The following MYO10 variants were observed in gnomAD, a reference collection of about 807,000 sequenced individuals.
The protein encoded by MYO10 is myosin X, also known as unconventional myosin-X.
MYO10 carries 133 observed loss-of-function variants against 257.3 expected under a neutral mutation model. The ratio of observed to expected loss-of-function variants is 0.52; its 90% CI spans 0.45 to 0.60. The LOEUF (loss-of-function observed/expected upper bound fraction) is 0.60, where lower values mean the gene tolerates loss of function less well. MYO10 is among the 20% of genes least tolerant of loss of function. The probability of loss-of-function intolerance (pLI) is 0.00; values close to 1 mark genes in which losing one functional copy is unlikely to be tolerated. For missense variants in MYO10, 2,399 were observed against 2,635.7 expected (o/e 0.91, Z 1.97); for synonymous variants, 1,104 against 1,028.6 (o/e 1.07, Z -1.40).
At position 16,681,880 on chromosome 5, in the gene MYO10, T is replaced by C; in HGVS notation, c.4180A>G (p.Ile1394Val). The change falls in exon 31 of 41, where the codon ATC becomes GTC. Residue 1394 changes from isoleucine (I) to valine (V), a missense_variant. By Grantham distance (29) the Ile-to-Val change is conservative. This residue lies in a region of MYO10 where 1,820 missense variants were observed against 1,939.4 expected (regional missense o/e 0.94). Coordinates refer to ENST00000513610, the MANE Select transcript of MYO10 (RefSeq NM_012334.3). ...CAGGGCAGGCAGTCACCTCTCACGA[T>C]GAATTCCTGGCCCTCCACTCTGGTG... ...GDTRVEGQEF[I>V]VRGWLHKEVK... is the part of the protein sequence containing the mutation. 3 of 1,613,876 alleles carry C rather than the reference T, an allele frequency of 1.9e-6. No individual in the cohort carries two copies. The highest frequency in any genetic ancestry group is 3.3e-4 in the Middle Eastern group (2 of 6,062).
chr5:16,833,924 C>A (rs1048164016), intron 2 of MYO10, among the ~76,000 whole-genome samples: 1 of 152,190 alleles, frequency 6.6e-6, no homozygotes, highest in Non-Finnish European at 1.5e-5. Context: ...GTGATGTAAT[C>A]TGGCCATACC....
intron 2 of MYO10, among the ~76,000 whole-genome samples, chr5:16,830,679 G>GCACACACACACACACACACACACACTCA (rs1554000807): frequency 6.7e-6 from 1 of 148,920 alleles, no homozygotes; most frequent in Non-Finnish European, 1.5e-5. Flanking sequence ...TTTTTAATAG[G>GCACACACACACACACACACACACACTCA]CACACACACA....
At chr5:16,898,255 T>TA (rs5866216) in intron 1 of MYO10, among the ~76,000 whole-genome samples, 83,929 of 151,396 alleles carry the variant, frequency 0.55, 24,298 homozygotes, top group African/African-American at 0.73. Context: ...ATAATCACAT[T>TA]AAAAAAAACT....
chr5:16,867,162 T>C (rs1744275721), intron 2 of MYO10, among the ~76,000 whole-genome samples: 2 of 152,214 alleles, frequency 1.3e-5, no homozygotes, highest in African/African-American at 2.4e-5. Flanking sequence ...AGATAAGATT[T>C]TTCCCTTGGC....
intron 2 of MYO10, among the ~76,000 whole-genome samples, chr5:16,842,610 G>A (rs1209261205): frequency 6.6e-6 from 1 of 152,116 alleles, no homozygotes; most frequent in Non-Finnish European, 1.5e-5. Flanking sequence ...GCTGCTGTAA[G>A]CATCAACACA....
chr5:16,765,008 T>C lies in MYO10; in HGVS notation c.1180-612A>G, dbSNP rs559138507. On this transcript the variant is annotated intron_variant, in intron 11 of 40. Transcript: ENST00000513610. ...CTGGCACCAGGTTTAAAACAATAAT[T>C]AAGATGTGAGCTCTTTTTAAAATTT... 6.6e-5 allele frequency among the ~76,000 whole-genome samples: 10 copies of C among 152,304 alleles called. No homozygotes were observed. In the South Asian group the frequency reaches 1.9e-3, roughly 28 times the overall value.
chr5:16,883,558 C>G, intron 1 of MYO10, among the ~76,000 whole-genome samples: 1 of 152,172 alleles, frequency 6.6e-6, no homozygotes, highest in East Asian at 1.9e-4. Context: ...CCCTGGCCAA[C>G]GGCCTCCTGC....
At chr5:16,718,594 A>C (rs1182021589) in intron 19 of MYO10, among the ~76,000 whole-genome samples, 1 of 149,242 alleles carries the variant, frequency 6.7e-6, no homozygotes, top group Admixed American at 6.7e-5. Context: ...AAACACACCA[A>C]TCGGCACTCT....
In MYO10 at chr5:16,668,158, G is replaced by T. The variant is rs539117509; in HGVS notation, c.6075+119C>A. On this transcript the variant is annotated intron_variant, in intron 40 of 40. Coordinates refer to ENST00000513610, the MANE Select transcript of MYO10 (RefSeq NM_012334.3). Reference sequence around the variant, plus strand: ...AAAGGGACCACCACACTGTATTTTCGTGTTTTGAAGAAAAATATTCAAAGA... The same window carrying T: ...AAAGGGACCACCACACTGTATTTTCTTGTTTTGAAGAAAAATATTCAAAGA... 12 of 1,105,650 alleles carry T rather than the reference G, an allele frequency of 1.1e-5. No homozygotes were observed. In the East Asian group the frequency reaches 2.5e-4, roughly 23 times the overall value. 68.5% of individuals were successfully genotyped at this position (1,105,650 alleles called of 1,614,324 possible).
intron 30 of MYO10, among the ~76,000 whole-genome samples, chr5:16,683,289 A>G (rs1737091472): frequency 6.6e-6 from 1 of 152,206 alleles, no homozygotes; most frequent in African/African-American, 2.4e-5. Context: ...TGCAGGCCAG[A>G]AGTAGAACTT....
At chr5:16,906,263 C>A (rs1322414621) in intron 1 of MYO10, among the ~76,000 whole-genome samples, 1 of 152,070 alleles carries the variant, frequency 6.6e-6, no homozygotes, top group Admixed American at 6.5e-5. Context: ...GCCAATGGGG[C>A]GCTCCTAGGA....
At chr5:16,788,216 A>G (rs1422965030) in intron 4 of MYO10, among the ~76,000 whole-genome samples, 1 of 152,096 alleles carries the variant, frequency 6.6e-6, no homozygotes, top group Non-Finnish European at 1.5e-5. Flanking sequence ...AGGCCCAAGA[A>G]AGACTGGAGG....
At chr5:16,871,540 G>A (rs116696462) in intron 2 of MYO10, among the ~76,000 whole-genome samples, 1,693 of 152,194 alleles carry the variant, frequency 0.011, 8 homozygotes, top group Non-Finnish European at 0.018. Flanking sequence ...CCAGGAAGTG[G>A]AGGCTACAGT....
chr5:16,740,383 G>A (rs1013959492), intron 19 of MYO10, among the ~76,000 whole-genome samples: 1 of 152,130 alleles, frequency 6.6e-6, no homozygotes, highest in South Asian at 2.1e-4. Context: ...GCATGAGCTA[G>A]ACGGACAGGG....
chr5:16,757,315 C>CAA (rs370329773), intron 18 of MYO10, among the ~76,000 whole-genome samples: 2 of 29,564 alleles, frequency 6.8e-5, no homozygotes, highest in African/African-American at 1.7e-4. Context: ...CACACACACA[C>CAA]GCACACACAC....
chr5:16,909,902 A>G (rs898865340), intron 1 of MYO10, among the ~76,000 whole-genome samples: 7 of 151,700 alleles, frequency 4.6e-5, no homozygotes, highest in African/African-American at 1.7e-4. Context: ...TCCCCTCTCT[A>G]TTGCTTCCTC....
At chr5:16,916,405 TAAA>T (rs71596001) in intron 1 of MYO10, 54 of 104,244 alleles carry the variant, frequency 5.2e-4, no homozygotes, top group South Asian at 2.1e-3. Flanking sequence ...AGCCATGAAG[TAAA>T]AAAAAAAAAA....
Position 16,903,051 on chromosome 5 carries a change from G to A in MYO10, c.22-25344C>T, listed in dbSNP as rs546273740. Among the ~76,000 whole-genome samples, 29 of 152,342 alleles carry A rather than the reference G, an allele frequency of 1.9e-4. 1 individual carries two copies. In the Middle Eastern group the frequency reaches 0.024, roughly 125 times the overall value. On this transcript the variant is annotated intron_variant, in intron 1 of 40. Transcript: ENST00000513610. ...ACACATTGACCATGTGCAGGCCTCT[G>A]TCCTAAACGCTTCACACGCACTAAC...
At chr5:16,875,886 T>C (rs1744586021) in intron 2 of MYO10, among the ~76,000 whole-genome samples, 1 of 152,176 alleles carries the variant, frequency 6.6e-6, no homozygotes, top group Non-Finnish European at 1.5e-5. Context: ...GGTGGGCAGA[T>C]CACTCGAGGT....
Sources: allele counts gnomAD v4.1 joint callset (sites outside exome capture counted in the v4.1 genomes callset), GRCh38; gene constraint gnomAD v4.1.1; regional missense constraint gnomAD v4.1.1; transcripts MANE v1.5; gene names NCBI Gene and HGNC (gene_info 2026-07-23, HGNC 2026-07-21).